PRDM10: variants seen among roughly 807,000 people sequenced by gnomAD.
PRDM10 encodes PR/SET domain 10, also known as PR domain zinc finger protein 10.
A neutral mutation model predicts 133.1 loss-of-function variants in PRDM10; 65 were observed. The observed-to-expected ratio is 0.49, with a 90% CI of 0.40 to 0.60. The LOEUF (loss-of-function observed/expected upper bound fraction) is 0.60. Ranked by LOEUF, PRDM10 falls within the 20% of genes least tolerant of loss-of-function variation. The pLI, the probability that PRDM10 is intolerant of heterozygous loss-of-function variation, is 0.00. For synonymous variants in PRDM10, 582 were observed against 580.4 expected (o/e 1.00, Z -0.04); for missense variants, 1,137 against 1,507.1 (o/e 0.75, Z 4.07).
At chr11:129,973,817 G>A (rs952842067) in intron 1 of PRDM10, among the ~76,000 whole-genome samples, 1 of 152,194 alleles carries the variant, frequency 6.6e-6, no homozygotes, top group African/African-American at 2.4e-5. Context: ...AGACTCTTAT[G>A]TAGATATAAA....
At chr11:129,991,846 G>C (rs1167934952) in intron 1 of PRDM10, among the ~76,000 whole-genome samples, 1 of 149,522 alleles carries the variant, frequency 6.7e-6, no homozygotes, top group African/African-American at 2.5e-5. Context: ...TAACCGGCCT[G>C]GTGGCGGGTG....
At chr11:129,917,587 T>C (rs944626688) in intron 14 of PRDM10, among the ~76,000 whole-genome samples, 18 of 152,262 alleles carry the variant, frequency 1.2e-4, no homozygotes, top group Non-Finnish European at 2.1e-4. Flanking sequence ...CTGTCTTTCA[T>C]TATTTAATGC....
chr11:129,903,303 T>TAATAATAATAAC (rs1949901808), intron 20 of PRDM10, among the ~76,000 whole-genome samples: 1 of 45,116 alleles, frequency 2.2e-5, no homozygotes, highest in South Asian at 8.9e-4. Context: ...CGTCTCAAAA[T>TAATAATAATAAC]AATAATAATA....
At chr11:129,998,439 G>GA in intron 1 of PRDM10, among the ~76,000 whole-genome samples, 1 of 152,106 alleles carries the variant, frequency 6.6e-6, no homozygotes, top group Non-Finnish European at 1.5e-5. Context: ...TGCAATAAAC[G>GA]AGAGTTTAAC....
chr11:129,955,476 G>A, intron 4 of PRDM10, 36 bp downstream of exon 4: 1 of 1,602,628 alleles, frequency 6.2e-7, no homozygotes, highest in South Asian at 1.1e-5. Flanking sequence ...GGCATTCACA[G>A]TGTTATCCCC....
At chr11:129,961,189 ACGCCTGGGC>A in intron 1 of PRDM10, 107 bp from the exon 2 acceptor site, 1 of 469,724 alleles carries the variant, frequency 2.1e-6, no homozygotes, top group African/African-American at 2.0e-5. Context: ...AAAAAGCAAC[ACGCCTGGGC>A]AAAAAAATGT....
At chr11:130,002,639 A>G (rs1246119593) in intron 1 of PRDM10, 83 bp downstream of exon 1, 1 of 153,050 alleles carries the variant, frequency 6.5e-6, no homozygotes, top group Non-Finnish European at 1.5e-5. Context: ...GGGTGGGACT[A>G]AGCAAAGACG....
At chr11:129,910,745 CAT>C in intron 18 of PRDM10, 89 bp from the exon 19 acceptor site, 1 of 1,161,206 alleles carries the variant, frequency 8.6e-7, no homozygotes. Context: ...ACACCAGACT[CAT>C]ATGAATTATA....
chr11:129,914,558 A>G lies in PRDM10; in HGVS notation c.2841+146T>C, dbSNP rs1238590452. The G allele has an allele frequency of 2.7e-6, 3 of 1,105,504 alleles. No homozygotes were observed. In the African/African-American group the frequency reaches 4.6e-5, roughly 17 times the overall value. 68.5% of individuals were successfully genotyped at this position (1,105,504 alleles called of 1,614,324 possible). On this transcript the variant is annotated intron_variant, in intron 17 of 20. Transcript: ENST00000360871. ...AAGGCCAGAGGCCTCATCAGCCTGA[A>G]AGGGGAAGGGGCAGTTGTAAAATGC...
Position 129,942,492 on chromosome 11 carries a change from A to C in PRDM10, c.900T>G (p.Ala300=). ...AATACACATGGTGGCCATACTGGTA[A>C]GCCACCAGGTTCTGCTCCAGGTGAT... ...AQNHLEQNLV[A]YQYGHHVYYT... The change falls in exon 7 of 21, where the codon GCT becomes GCG. Residue 300 remains alanine, a synonymous_variant. Coordinates refer to ENST00000360871, the MANE Select transcript of PRDM10 (RefSeq NM_199437.2). 1.2e-6 allele frequency: 2 copies of C among 1,614,096 alleles called. No homozygotes were observed. Among genetic ancestry groups the C allele is most frequent in the Non-Finnish European group, 1.7e-6 (2 of 1,180,006 alleles).
chr11:129,985,791 AAAAAAAAAAAAAAAAAAAAT>A (rs1938379374), intron 1 of PRDM10, among the ~76,000 whole-genome samples: 2 of 109,192 alleles, frequency 1.8e-5, no homozygotes, highest in African/African-American at 3.9e-5. Context: ...AAAAAAAAAA[AAAAAAAAAAAAAAAAAAAAT>A]ATATATATAT....
chr11:129,925,817 C>T (rs2135790738), intron 11 of PRDM10, among the ~76,000 whole-genome samples: 1 of 152,076 alleles, frequency 6.6e-6, no homozygotes, highest in East Asian at 1.9e-4. Context: ...GTAATGGATA[C>T]CAGGTTTCTT....
chr11:129,935,883 T>A (rs1370357235), intron 8 of PRDM10, among the ~76,000 whole-genome samples: 1 of 152,098 alleles, frequency 6.6e-6, no homozygotes, highest in Non-Finnish European at 1.5e-5. Flanking sequence ...GTAACAGGAG[T>A]GTCTTTGTTA....
chr11:129,902,032 T>G lies in PRDM10; in HGVS notation c.*281A>C, dbSNP rs1025028666. ...AGGAAAAGTAAGGCTCGTCAGTATG[T>G]TAAAAGACCAGCTCAAGAGCAAGGC... On this transcript the variant is annotated 3_prime_UTR_variant, in exon 21 of 21. Coordinates refer to ENST00000360871, the MANE Select transcript of PRDM10 (RefSeq NM_199437.2). 16 of 372,606 alleles carry G rather than the reference T, an allele frequency of 4.3e-5. No individual in the cohort carries two copies. The South Asian group carries it at 6.6e-4, about 15-fold the overall frequency. The allele number at this position is 372,606 out of a possible 1,614,324, so 23.1% of individuals were successfully genotyped here.
At chr11:129,932,328 T>C in intron 9 of PRDM10, 97 bp from the exon 10 acceptor site, 2 of 1,422,962 alleles carry the variant, frequency 1.4e-6, no homozygotes, top group Non-Finnish European at 9.5e-7. Flanking sequence ...AGAGTTTGAT[T>C]CCTCTCACCT....
chr11:129,985,809 A>ATATAT (rs61380869), intron 1 of PRDM10, among the ~76,000 whole-genome samples: 1 of 61,094 alleles, frequency 1.6e-5, no homozygotes, highest in East Asian at 8.8e-4. Flanking sequence ...AAAAAAAAAA[A>ATATAT]ATATATATAT....
At chr11:129,921,716 G>A (rs1950528190) in intron 13 of PRDM10, among the ~76,000 whole-genome samples, 1 of 152,166 alleles carries the variant, frequency 6.6e-6, no homozygotes, top group African/African-American at 2.4e-5. Flanking sequence ...GTTCCGAGTT[G>A]GGGTTAGCCA....
chr11:129,915,967 GC>G, intron 15 of PRDM10, 107 bp from the exon 16 acceptor site: 1 of 1,058,208 alleles, frequency 9.4e-7, no homozygotes, highest in Non-Finnish European at 1.3e-6. Context: ...TATTCATGTA[GC>G]CCCAAATAAA....
chr11:129,972,073 C>T (rs1952042313), intron 1 of PRDM10, among the ~76,000 whole-genome samples: 1 of 152,252 alleles, frequency 6.6e-6, no homozygotes. Context: ...GGGTGCTAAG[C>T]CCCTCACTGC....
Sources: allele counts gnomAD v4.1 joint callset (sites outside exome capture counted in the v4.1 genomes callset), GRCh38; gene constraint gnomAD v4.1.1; transcripts MANE v1.5; gene names NCBI Gene and HGNC (gene_info 2026-07-23, HGNC 2026-07-21).